Variants in RNF213 observed in about 807,000 individuals in gnomAD.
The protein encoded by RNF213 is E3 ubiquitin-protein ligase RNF213.
RNF213 carries 341 observed loss-of-function variants against 514.4 expected under a neutral mutation model. That is an observed-to-expected ratio of 0.66 (90% confidence interval 0.61 to 0.73). The LOEUF (loss-of-function observed/expected upper bound fraction) is 0.73. Among genes scored for constraint, RNF213 ranks in the 30% least tolerant of loss-of-function variants. The pLI is 0.00. For synonymous variants in RNF213, 2,655 were observed against 2,658.2 expected (o/e 1.00, Z 0.04); for missense variants, 5,767 against 6,615.6 (o/e 0.87, Z 4.45).
At position 80,347,726 on chromosome 17, in the gene RNF213, C is replaced by T; in HGVS notation, c.9391C>T (p.Leu3131Phe). 1.2e-6 allele frequency: 2 copies of T among 1,614,130 alleles called. No homozygotes were observed. The highest frequency in any genetic ancestry group is 1.7e-6 in the Non-Finnish European group (2 of 1,180,018). Reference protein sequence around the residue: ...VHLGGQKYVDLGLGTHRVKCR... With the variant: ...VHLGGQKYVDFGLGTHRVKCR... Reference sequence around the variant, plus strand: ...CCTCGGCGGCCAGAAGTACGTGGACCTCGGTCTGGGGACCCACCGCGTCAA... The same window carrying T: ...CCTCGGCGGCCAGAAGTACGTGGACTTCGGTCTGGGGACCCACCGCGTCAA... The change falls in exon 29 of 68, where the codon CTC becomes TTC. Residue 3131 changes from leucine (L) to phenylalanine (F), a missense_variant. By Grantham distance (22) the Leu-to-Phe change is conservative (BLOSUM62 0). Around this residue, in one of 13 missense-constraint regions of RNF213, gnomAD observed 919 missense variants for 1,121.0 expected, o/e 0.82. Transcript: ENST00000582970. The surrounding 1 kb of genome is among the most constrained non-coding windows in gnomAD (Gnocchi z 7.2).
intron 1 of RNF213, among the ~76,000 whole-genome samples, chr17:80,261,784 C>A (rs1285983609): frequency 1.3e-5 from 2 of 152,050 alleles, no homozygotes; most frequent in African/African-American, 4.8e-5. Flanking sequence ...TTTGGGAGGC[C>A]AAGGCGGGTG....
intron 6 of RNF213, among the ~76,000 whole-genome samples, chr17:80,290,045 C>G (rs945208433): frequency 6.6e-6 from 1 of 152,230 alleles, no homozygotes; most frequent in African/African-American, 2.4e-5. Context: ...CCCCTGGGGT[C>G]CTGGAGCCAG....
intron 2 of RNF213, among the ~76,000 whole-genome samples, chr17:80,270,332 A>G (rs544595635): frequency 6.6e-6 from 1 of 152,238 alleles, no homozygotes; most frequent in African/African-American, 2.4e-5. Flanking sequence ...TTGCACGGAG[A>G]CCTTGCCCTC....
chr17:80,314,221 T>C (rs2045737629), intron 15 of RNF213, among the ~76,000 whole-genome samples: 1 of 119,986 alleles, frequency 8.3e-6, no homozygotes, highest in African/African-American at 3.7e-5. Context: ...GAGGTGATGG[T>C]GGTGGTGAAG....
chr17:80,352,333 C>G, intron 32 of RNF213: 1 of 236,872 alleles, frequency 4.2e-6, no homozygotes, highest in South Asian at 7.1e-5. Flanking sequence ...GTGCACCTCT[C>G]CTGGACTGAC....
At position 80,358,290 on chromosome 17, in the gene RNF213, A is replaced by T. The variant is rs1444404999; in HGVS notation, c.10865A>T (p.His3622Leu). The T allele has an allele frequency of 6.2e-7, 1 of 1,613,810 alleles. No individual in the cohort carries two copies. ...CCCATCTCTCTTCTGTGCTGCAGGC[A>T]CACCCTCTGGAAGCGGGTCCAAGGT... ...DALQEAGTFR[H>L]TLWKRVQGAV... is the part of the protein sequence containing the mutation. Residue 3622 changes from histidine to leucine, a missense_variant and splice_region_variant, in exon 37 of 68, where the codon CAC (histidine) becomes CTC (leucine). His to Leu is a moderately conservative substitution (Grantham distance 99). Around this residue, in one of 13 missense-constraint regions of RNF213, gnomAD observed 919 missense variants for 1,121.0 expected, o/e 0.82. Transcript: ENST00000582970.
intron 20 of RNF213, among the ~76,000 whole-genome samples, chr17:80,330,256 C>T (rs560001112): frequency 4.3e-4 from 65 of 152,342 alleles, no homozygotes; most frequent in African/African-American, 1.6e-3. Context: ...TGTGCTGCTT[C>T]CTCCAGGTTC....
chr17:80,261,755 A>G (rs2043431342), intron 1 of RNF213, among the ~76,000 whole-genome samples: 1 of 152,228 alleles, frequency 6.6e-6, no homozygotes, highest in Non-Finnish European at 1.5e-5. Context: ...GCAGTGGCTA[A>G]TGCCTGTAAT....
intron 3 of RNF213, among the ~76,000 whole-genome samples, chr17:80,283,154 A>T (rs1158350437): frequency 6.6e-6 from 1 of 152,116 alleles, no homozygotes; most frequent in African/African-American, 2.4e-5. Context: ...AAAGAAGACT[A>T]TGAAACTGTT....
intron 17 of RNF213, chr17:80,319,669 G>C: frequency 6.8e-7 from 1 of 1,463,886 alleles, no homozygotes; most frequent in Non-Finnish European, 9.0e-7. Context: ...CAGTAGGTGT[G>C]CGGGAAGAGA....
chr17:80,384,046 G>A (rs2144620419), intron 59 of RNF213, 118 bp downstream of exon 59: 1 of 1,273,392 alleles, frequency 7.9e-7, no homozygotes, highest in Non-Finnish European at 1.1e-6. Context: ...CAGTGCTTTG[G>A]TTTTGAATAG....
chr17:80,313,029 A>G lies in RNF213; in HGVS notation c.2673A>G (p.Arg891=). Residue 891 remains arginine, a synonymous_variant, in exon 15 of 68, where the codon AGA becomes AGG. Transcript: ENST00000582970. The part of the protein sequence containing the change: ...LLSLVDSAGQ[R]DETGNNSVQT... ...GACAACAGGATTCTGCAGGACAGAG[A>G]GATGAAACTGGAAATAATTCAGTCC... 1 of 1,613,938 alleles carries G rather than the reference A, an allele frequency of 6.2e-7. No individual in the cohort carries two copies. The highest frequency in any genetic ancestry group is 8.5e-7 in the Non-Finnish European group (1 of 1,180,034).
Position 80,354,385 on chromosome 17 carries a change from C to T in RNF213, c.10727-56C>T, listed in dbSNP as rs760235173. ...TGGGGGAGGTGGGACAGAAGCACTC[C>T]GGAGCCAACAGCTCAGCCACGGCCA... is the stretch of plus-strand genomic sequence containing the variant. On this transcript the variant is annotated intron_variant, in intron 35 of 67. Transcript: ENST00000582970. The T allele has an allele frequency of 4.5e-4, 723 of 1,613,066 alleles. 2 individuals carry two copies. Among genetic ancestry groups the T allele is most frequent in the Admixed American group, 7.8e-4 (47 of 60,006 alleles).
rs1276592664 is a variant in RNF213, at chr17:80,264,663, G to A, written c.97+885G>A. Reference sequence around the variant, plus strand: ...TGCAGAGGGCCCTGCTGGTCTCCCCGCCTCCACGCTGCATGCTGCCTTCCT... The same window carrying A: ...TGCAGAGGGCCCTGCTGGTCTCCCCACCTCCACGCTGCATGCTGCCTTCCT... On this transcript the variant is annotated intron_variant, in intron 2 of 67. Transcript: ENST00000582970. This position sits in a 1 kb window ranked among gnomAD's most constrained non-coding sequence, Gnocchi z 5.0. Among the ~76,000 whole-genome samples the A allele has an allele frequency of 1.3e-5, 2 of 151,844 alleles. No individual in the cohort carries two copies. Among genetic ancestry groups the A allele is most frequent in the Non-Finnish European group, 2.9e-5 (2 of 67,972 alleles).
In RNF213 at chr17:80,363,801, G is replaced by T; in HGVS notation, c.11750+11G>T. On this transcript the variant is annotated intron_variant, in intron 41 of 67. Transcript: ENST00000582970. Reference sequence around the variant, plus strand: ...CATCAGGGAAGTCAGGTGAGACCCAGGAGCCCTCACCCACTGCTTCATCTG... The same window carrying T: ...CATCAGGGAAGTCAGGTGAGACCCATGAGCCCTCACCCACTGCTTCATCTG... 1 of 1,611,896 alleles carries T rather than the reference G, an allele frequency of 6.2e-7. No individual in the cohort carries two copies. Among genetic ancestry groups the T allele is most frequent in the African/African-American group, 1.3e-5 (1 of 75,028 alleles).
At chr17:80,338,147 A>G (rs1444484311) in intron 25 of RNF213, 150 bp downstream of exon 25, 4 of 1,049,966 alleles carry the variant, frequency 3.8e-6, no homozygotes, top group African/African-American at 3.2e-5. Context: ...TAGAGTTGGC[A>G]CATTTGTAGG....
rs1319953262 is a variant in RNF213, at chr17:80,396,370, G to T, written c.*2872G>T. The stretch of plus-strand genomic sequence containing the variant: ...ACCGAGACGGCCCTGAGCTATTTCA[G>T]TTACTCCTGTATGTTCAGGCAATTC... On this transcript the variant is annotated 3_prime_UTR_variant, in exon 68 of 68. Transcript: ENST00000582970. The T allele has an allele frequency of 1.3e-5, 2 of 152,196 alleles. No homozygotes were observed. The highest frequency in any genetic ancestry group is 1.3e-4 in the Admixed American group (2 of 15,282). The allele number at this position is 152,196 out of a possible 1,614,324, so 9.4% of individuals were successfully genotyped here.
intron 56 of RNF213, 21 bp from the exon 57 acceptor site, chr17:80,381,524 ACT>A (rs1313069531): frequency 1.1e-5 from 17 of 1,613,374 alleles, no homozygotes; most frequent in East Asian, 2.2e-5. Context: ...CCCGCTGAAC[ACT>A]CTGTTCCGTT....
intron 44 of RNF213, 36 bp downstream of exon 44, chr17:80,368,179 T>C (rs2079356933): frequency 6.2e-7 from 1 of 1,608,680 alleles, no homozygotes; most frequent in Non-Finnish European, 8.5e-7. Flanking sequence ...GCATCCTTTT[T>C]TTCATTTTCC....
Sources: gnomAD v4.1 joint callset for allele counts (sites outside exome capture counted in the v4.1 genomes callset) on GRCh38, gnomAD v4.1.1 for gene constraint, gnomAD v4.1.1 regional missense constraint, Gnocchi (gnomAD v3.1) non-coding constraint, MANE v1.5 for transcripts, NCBI Gene and HGNC (gene_info 2026-07-23, HGNC 2026-07-21) for gene names.